Variants in ERAP2 observed in about 807,000 individuals in gnomAD.
ERAP2 encodes leukocyte-derived arginine aminopeptidase.
ERAP2 carries 118 observed loss-of-function variants against 111.1 expected under a neutral mutation model. That is an observed-to-expected ratio of 1.06 (90% CI 0.92 to 1.24). ERAP2 has a LOEUF of 1.24. Among genes scored for constraint, ERAP2 ranks in the 50% most tolerant of loss-of-function variants. ERAP2 has a pLI of 0.00. For synonymous variants in ERAP2, 410 were observed against 401.2 expected (o/e 1.02, Z -0.26); for missense variants, 1,131 against 1,125.8 (o/e 1.00, Z -0.07).
chr5:96,903,405 T>C lies in ERAP2; in HGVS notation c.1857T>C (p.Ser619=). The C allele has an allele frequency of 6.2e-7, 1 of 1,613,314 alleles. No individual in the cohort carries two copies. Among genetic ancestry groups the C allele is most frequent in the Non-Finnish European group, 8.5e-7 (1 of 1,179,672 alleles). ...CTCTGGATCTACCTGAAAAGACCAG[T>C]TGGGTGAAATTTAATGTGGACTCAA... The part of the protein sequence containing the change: ...TDTLDLPEKT[S]WVKFNVDSNG... The change falls in exon 13 of 19, where the codon AGT becomes AGC. Residue 619 remains serine (S), a synonymous_variant. Transcript: ENST00000437043.
At chr5:96,877,695 A>G (rs1040498542) in intron 1 of ERAP2, among the ~76,000 whole-genome samples, 1 of 151,990 alleles carries the variant, frequency 6.6e-6, no homozygotes, top group Admixed American at 6.6e-5. Context: ...GGGCACTCTG[A>G]TTCCAAAGCC....
chr5:96,901,622 G>A lies in ERAP2; in HGVS notation c.1689G>A (p.Gln563=), dbSNP rs2287988. 0.52 allele frequency: 837,392 copies of A among 1,613,618 alleles called. 218,582 individuals are homozygous for A. Among genetic ancestry groups the A allele is most frequent in the Admixed American group, 0.61 (36,560 of 59,954 alleles). The change falls in exon 11 of 19, where the codon CAG becomes CAA. Residue 563 remains glutamine, a synonymous_variant. Transcript: ENST00000437043. ...KQDGCSLRLQ[Q]ERFLQGVFQE... ...ACGGGTGTTCACTCCGACTGCAACA[G>A]GAGCGCTTCCTCCAGGGGGTTTTCC...
intron 14 of ERAP2, 93 bp from the exon 15 acceptor site, chr5:96,909,487 G>A (rs762469476): frequency 9.6e-6 from 9 of 936,576 alleles, no homozygotes; most frequent in African/African-American, 1.6e-5. Flanking sequence ...TGGGAAAGAT[G>A]CAGAAAGTTT....
chr5:96,907,683 A>G (rs761253848), intron 13 of ERAP2, among the ~76,000 whole-genome samples: 12 of 151,930 alleles, frequency 7.9e-5, no homozygotes, highest in Non-Finnish European at 1.2e-4. Context: ...GGAGTTCAAG[A>G]CCAGCCTGGC....
Position 96,886,662 on chromosome 5 carries a change from C to A in ERAP2, c.722C>A (p.Thr241Lys). 6.6e-7 allele frequency: 1 copy of A among 1,519,812 alleles called. No individual in the cohort carries two copies. The allele number at this position is 1,519,812 out of a possible 1,614,324, so 94.1% of individuals were successfully genotyped here. The change falls in exon 4 of 19, where the codon ACA (threonine) becomes AAA (lysine). Residue 241 changes from threonine to lysine, a missense_variant. Thr to Lys is a moderately conservative substitution (Grantham distance 78). This residue lies in a region of ERAP2 where 847 missense variants were observed against 856.5 expected (regional missense o/e 0.99). Transcript: ENST00000437043. Reference protein sequence around the residue: ...IALSNMPKVKTIELEGGLLED... With the variant: ...IALSNMPKVKKIELEGGLLED... ...TCCTTTTCCTTTCTGTAGGTTAAGACAATTGAACTTGAAGGAGGTCTTTTG... is the reference window on the plus strand; with the variant it reads ...TCCTTTTCCTTTCTGTAGGTTAAGAAAATTGAACTTGAAGGAGGTCTTTTG...
Position 96,892,456 on chromosome 5 carries a change from A to T in ERAP2, c.1125+3A>T. On this transcript the variant is annotated splice_donor_region_variant and intron_variant, in intron 6 of 18. Transcript: ENST00000437043. ...TAGCCCATGAACTGGCGCACCAGGT[A>T]CTTGGCACTCATGACATTATCTCGA... is the stretch of plus-strand genomic sequence containing the variant. 1 of 1,613,816 alleles carries T rather than the reference A, an allele frequency of 6.2e-7. No individual in the cohort carries two copies. Among genetic ancestry groups the T allele is most frequent in the Non-Finnish European group, 8.5e-7 (1 of 1,179,762 alleles).
intron 13 of ERAP2, among the ~76,000 whole-genome samples, chr5:96,905,129 A>G (rs1468973025): frequency 1.3e-5 from 2 of 152,210 alleles, no homozygotes; most frequent in Non-Finnish European, 2.9e-5. Context: ...AGCTGTTAAC[A>G]TTATTAGTAT....
rs115910045 is a variant in ERAP2, at chr5:96,905,245, G to C, written c.2012+1685G>C. On this transcript the variant is annotated intron_variant, in intron 13 of 18. Transcript: ENST00000437043. ...TGTGAAGTTGAGAAAAAGGCAGAATGTAAGTCTGTGTATTATTATGTTTGT... is the reference window on the plus strand; with the variant it reads ...TGTGAAGTTGAGAAAAAGGCAGAATCTAAGTCTGTGTATTATTATGTTTGT... Among the ~76,000 whole-genome samples the C allele has an allele frequency of 5.9e-3, 891 of 152,228 alleles. 6 individuals carry two copies. The highest frequency in any genetic ancestry group is 0.02 in the African/African-American group (848 of 41,532).
At chr5:96,914,148 T>TCACACACACACACACA (rs1554061288) in intron 17 of ERAP2, among the ~76,000 whole-genome samples, 4,815 of 147,970 alleles carry the variant, frequency 0.033, 171 homozygotes, top group African/African-American at 0.087. Flanking sequence ...TCTCTCTCTC[T>TCACACACACACACACA]CACACACACA....
At chr5:96,897,714 T>C (rs917312105) in intron 9 of ERAP2, among the ~76,000 whole-genome samples, 4 of 152,204 alleles carry the variant, frequency 2.6e-5, no homozygotes, top group African/African-American at 9.6e-5. Flanking sequence ...ATTATTAAAA[T>C]ATTTTAAAAT....
chr5:96,918,146 A>C lies in ERAP2; in HGVS notation c.*541A>C, dbSNP rs1435362473. ...TGGAGTGGTGGGGGAAGGCCAGTTC[A>C]GTATCCTATTTAAAAGTAAACTTCC... is the stretch of plus-strand genomic sequence containing the variant. On this transcript the variant is annotated 3_prime_UTR_variant, in exon 19 of 19. Coordinates refer to ENST00000437043, the MANE Select transcript of ERAP2 (RefSeq NM_022350.5). 6.6e-6 allele frequency: 1 copy of C among 152,376 alleles called. No homozygotes were observed. The highest frequency in any genetic ancestry group is 1.5e-5 in the Non-Finnish European group (1 of 68,088). The allele number at this position is 152,376 out of a possible 1,614,324, so 9.4% of individuals were successfully genotyped here. A position where few individuals can be genotyped will look rare whatever the true frequency, so the allele number is the denominator to read the frequency against.
At chr5:96,880,598 G>A (rs79787059) in intron 2 of ERAP2, among the ~76,000 whole-genome samples, 42 of 152,350 alleles carry the variant, frequency 2.8e-4, no homozygotes, top group Non-Finnish European at 3.2e-4. Flanking sequence ...CTTCATCTGG[G>A]ACCAGAAGGA....
At chr5:96,891,832 G>C (rs1482317060) in intron 5 of ERAP2, among the ~76,000 whole-genome samples, 4 of 151,970 alleles carry the variant, frequency 2.6e-5, no homozygotes. Context: ...GCTCCTAAGA[G>C]GTGTTCTCCT....
At chr5:96,903,287 A>G (rs1785680693) in intron 12 of ERAP2, 90 bp from the exon 13 acceptor site, 1 of 1,025,044 alleles carries the variant, frequency 9.8e-7, no homozygotes, top group Non-Finnish European at 1.4e-6. Context: ...CCATTGATTT[A>G]TAAGTAATTT....
chr5:96,905,002 C>T (rs1785893372), intron 13 of ERAP2, among the ~76,000 whole-genome samples: 1 of 151,850 alleles, frequency 6.6e-6, no homozygotes, highest in Non-Finnish European at 1.5e-5. Context: ...CCTTTTTAAG[C>T]CTAAATTTTC....
At chr5:96,905,232 A>G (rs970432326) in intron 13 of ERAP2, among the ~76,000 whole-genome samples, 44 of 152,344 alleles carry the variant, frequency 2.9e-4, no homozygotes, top group African/African-American at 1.0e-3. Flanking sequence ...TGAAGTTGAG[A>G]AAAAGGCAGA....
At chr5:96,889,406 G>A (rs1285468127) in intron 5 of ERAP2, 101 bp downstream of exon 5, 1 of 1,305,804 alleles carries the variant, frequency 7.7e-7, no homozygotes, top group Admixed American at 1.7e-5. Flanking sequence ...GAGCACTGAG[G>A]AATTCAGTTA....
intron 18 of ERAP2, among the ~76,000 whole-genome samples, chr5:96,916,901 A>G (rs1244929445): frequency 1.3e-5 from 2 of 152,026 alleles, no homozygotes; most frequent in East Asian, 3.9e-4. Flanking sequence ...ACTTGGGTAA[A>G]TCATTTAACT....
chr5:96,888,344 T>C (rs1783979955), intron 4 of ERAP2, among the ~76,000 whole-genome samples: 1 of 152,302 alleles, frequency 6.6e-6, no homozygotes, highest in South Asian at 2.1e-4. Context: ...GACAGGTTCC[T>C]GTCAGCCTCT....
Sources: allele counts gnomAD v4.1 joint callset (sites outside exome capture counted in the v4.1 genomes callset), GRCh38; gene constraint gnomAD v4.1.1; regional missense constraint gnomAD v4.1.1; transcripts MANE v1.5; gene names NCBI Gene and HGNC (gene_info 2026-07-23, HGNC 2026-07-21).